CCDC181: variants seen among roughly 807,000 people sequenced by gnomAD.
CCDC181 encodes coiled-coil domain containing 181.
In CCDC181, 35 loss-of-function variants were observed where a neutral mutation model predicts 58.7. The ratio of observed to expected loss-of-function variants is 0.60; its 90% CI spans 0.46 to 0.79. The LOEUF is 0.79. Among genes scored for constraint, CCDC181 ranks in the 30% least tolerant of loss-of-function variants. The pLI is 0.00. For synonymous variants in CCDC181, 183 were observed against 197.5 expected, an observed-to-expected ratio of 0.93 and a Z score of 0.62; for missense variants, 517 against 583.9, an observed-to-expected ratio of 0.89 and a Z score of 1.18.
intron 2 of CCDC181, among the ~76,000 whole-genome samples, chr1:169,449,927 C>CA (rs1391143614): frequency 5.3e-5 from 8 of 152,160 alleles, no homozygotes; most frequent in African/African-American, 9.7e-5. Flanking sequence ...AGTTGACACT[C>CA]AATATTAACT....
In CCDC181 at chr1:169,419,018, T is replaced by C. The variant is rs1464100741; in HGVS notation, c.1210A>G (p.Ser404Gly). 1 of 1,612,178 alleles carries C rather than the reference T, an allele frequency of 6.2e-7. No homozygotes were observed. Among genetic ancestry groups the C allele is most frequent in the African/African-American group, 1.3e-5 (1 of 74,914 alleles). ...TTCAGAGAAGTTTTACTTACTCTAC[T>C]GTTCATGTCTTCAATTTCCTTTGCT... ...QRAKEIEDMN[S>G]RQENRDPQQA... is the part of the protein sequence containing the mutation. Residue 404 changes from serine (S) to glycine (G), a missense_variant, in exon 4 of 6, where the codon AGT becomes GGT. Coordinates refer to ENST00000367806, the MANE Select transcript of CCDC181 (RefSeq NM_001300969.2).
chr1:169,423,679 A>G (rs928353357), intron 2 of CCDC181, among the ~76,000 whole-genome samples: 1 of 152,008 alleles, frequency 6.6e-6, no homozygotes, highest in African/African-American at 2.4e-5. Flanking sequence ...AGAAAATAAA[A>G]CAATAAATCA....
intron 4 of CCDC181, among the ~76,000 whole-genome samples, chr1:169,400,386 T>C (rs565810758): frequency 5.3e-4 from 81 of 152,222 alleles, no homozygotes; most frequent in African/African-American, 1.9e-3. Flanking sequence ...AGGAAAACAG[T>C]GTATTCTATA....
In CCDC181 at chr1:169,395,187, T is replaced by C. The variant is rs1654946295; in HGVS notation, c.1390A>G (p.Met464Val). 2 of 1,611,748 alleles carry C rather than the reference T, an allele frequency of 1.2e-6. No individual in the cohort carries two copies. The highest frequency in any genetic ancestry group is 1.7e-6 in the Non-Finnish European group (2 of 1,179,272). The change falls in exon 6 of 6, where the codon ATG becomes GTG. Residue 464 changes from methionine (M) to valine (V), a missense_variant. Met to Val is a conservative substitution (Grantham distance 21). Coordinates refer to ENST00000367806, the MANE Select transcript of CCDC181 (RefSeq NM_001300969.2). Reference sequence around the variant, plus strand: ...GCTTGTTGCTCTGCCATTTTTTCCATCCGTTTCCTTCTTAACCATCTGTAG... The same window carrying C: ...GCTTGTTGCTCTGCCATTTTTTCCACCCGTTTCCTTCTTAACCATCTGTAG... ...AFKQWLRRKR[M>V]EKMAEQQAVR...
At chr1:169,442,744 T>G (rs1478170643) in intron 2 of CCDC181, 2 of 152,044 alleles carry the variant, frequency 1.3e-5, no homozygotes, top group African/African-American at 4.8e-5. Flanking sequence ...AATCAAAAAT[T>G]CTCTTCAATG....
At chr1:169,437,779 T>C (rs539667544) in intron 2 of CCDC181, among the ~76,000 whole-genome samples, 3 of 152,320 alleles carry the variant, frequency 2.0e-5, no homozygotes, top group East Asian at 3.9e-4. Context: ...TTGTCATCTA[T>C]AGTTTTAGTA....
At chr1:169,399,235 A>T (rs1655212009) in intron 4 of CCDC181, among the ~76,000 whole-genome samples, 1 of 152,186 alleles carries the variant, frequency 6.6e-6, no homozygotes, top group Admixed American at 6.5e-5. Flanking sequence ...GCAAGGTAGA[A>T]GGGGGCTGGG....
chr1:169,425,006 A>C, intron 1 of CCDC181, 56 bp from the exon 2 acceptor site: 1 of 723,788 alleles, frequency 1.4e-6, no homozygotes, highest in Non-Finnish European at 2.3e-6. Context: ...GGAGGAATGG[A>C]GTATGGAGAT....
At chr1:169,445,561 G>A (rs1002763994) in intron 2 of CCDC181, among the ~76,000 whole-genome samples, 12 of 152,086 alleles carry the variant, frequency 7.9e-5, no homozygotes, top group African/African-American at 2.4e-4. Context: ...GAGGAGTTTT[G>A]CATCAATGTT....
chr1:169,397,052 A>C (rs1655079479), intron 5 of CCDC181, among the ~76,000 whole-genome samples, 185 bp downstream of exon 5: 1 of 150,854 alleles, frequency 6.6e-6, no homozygotes, highest in Non-Finnish European at 1.5e-5. Context: ...AACTCCATAT[A>C]TATAATATAT....
intron 2 of CCDC181, among the ~76,000 whole-genome samples, chr1:169,458,341 G>T (rs1283884526): frequency 1.3e-5 from 2 of 152,014 alleles, no homozygotes; most frequent in Non-Finnish European, 2.9e-5. Flanking sequence ...CAAAGGGATT[G>T]TACCAATTTA....
chr1:169,401,921 G>A (rs547517583), intron 4 of CCDC181, among the ~76,000 whole-genome samples: 49 of 152,188 alleles, frequency 3.2e-4, no homozygotes, highest in Non-Finnish European at 5.9e-4. Flanking sequence ...AAGATTAGAC[G>A]AATGGCTAAC....
At chr1:169,419,478 A>G (rs924819029) in intron 3 of CCDC181, among the ~76,000 whole-genome samples, 6 of 152,184 alleles carry the variant, frequency 3.9e-5, no homozygotes, top group Non-Finnish European at 8.8e-5. Context: ...TCTTCAAATA[A>G]TGGAATTCTA....
chr1:169,407,996 T>C (rs2102061081), intron 4 of CCDC181, among the ~76,000 whole-genome samples: 1 of 152,248 alleles, frequency 6.6e-6, no homozygotes, highest in South Asian at 2.1e-4. Flanking sequence ...AGCACAAAAC[T>C]GGGTGGCCGT....
intron 2 of CCDC181, among the ~76,000 whole-genome samples, chr1:169,455,059 C>T (rs577296579): frequency 4.0e-5 from 6 of 151,868 alleles, no homozygotes; most frequent in Non-Finnish European, 8.8e-5. Context: ...TCCGCTATCA[C>T]AAAATACCAA....
At chr1:169,455,938 AT>A (rs1657666056) in intron 2 of CCDC181, among the ~76,000 whole-genome samples, 1 of 152,182 alleles carries the variant, frequency 6.6e-6, no homozygotes, top group African/African-American at 2.4e-5. Context: ...CCAGATTATA[AT>A]GAAGAAGATA....
intron 2 of CCDC181, among the ~76,000 whole-genome samples, chr1:169,441,964 T>G (rs1310359707): frequency 6.6e-6 from 1 of 152,142 alleles, no homozygotes; most frequent in Non-Finnish European, 1.5e-5. Flanking sequence ...TCTGTCATCA[T>G]TTACTATACT....
intron 4 of CCDC181, among the ~76,000 whole-genome samples, chr1:169,412,874 C>G (rs1656041980): frequency 1.3e-5 from 2 of 152,118 alleles, no homozygotes; most frequent in Admixed American, 6.6e-5. Context: ...AAAATTAACT[C>G]AAGATGGATT....
chr1:169,427,047 T>C (rs185022456), intron 1 of CCDC181, among the ~76,000 whole-genome samples: 21 of 152,128 alleles, frequency 1.4e-4, no homozygotes, highest in Admixed American at 8.5e-4. Context: ...AAAAATTTAG[T>C]CTAAGCTACT....
Sources: gnomAD v4.1 joint callset for allele counts (sites outside exome capture counted in the v4.1 genomes callset) on GRCh38, gnomAD v4.1.1 for gene constraint, MANE v1.5 for transcripts, NCBI Gene and HGNC (gene_info 2026-07-23, HGNC 2026-07-21) for gene names.